The following AKAP12 variants were observed in gnomAD, a reference collection of about 807,000 sequenced individuals.
AKAP12 encodes the protein A-kinase anchor protein 12.
AKAP12 carries 32 observed loss-of-function variants against 79.9 expected under a neutral mutation model. That is an observed-to-expected ratio of 0.40 (90% CI 0.30 to 0.54). The LOEUF is 0.54. Ranked by LOEUF, AKAP12 falls within the 20% of genes least tolerant of loss-of-function variation. The pLI, the probability that AKAP12 is intolerant of heterozygous loss-of-function variation, is 0.48. For missense variants in AKAP12, 2,074 were observed against 2,177.0 expected (o/e 0.95, Z 0.94); for synonymous variants, 808 against 857.0 (o/e 0.94, Z 1.00).
intron 2 of AKAP12, among the ~76,000 whole-genome samples, chr6:151,292,454 A>T (rs372285013): frequency 2.0e-5 from 3 of 152,172 alleles, no homozygotes; most frequent in South Asian, 2.1e-4. Flanking sequence ...TCTTAGACGA[A>T]TTGGTTCCAG....
At chr6:151,259,470 GTATA>G (rs549086594) in intron 2 of AKAP12, among the ~76,000 whole-genome samples, 3 of 93,300 alleles carry the variant, frequency 3.2e-5, no homozygotes, top group Admixed American at 2.8e-4. Flanking sequence ...ATATATACAT[GTATA>G]TATATATATA....
At chr6:151,243,101 A>G (rs1797009486) in intron 2 of AKAP12, among the ~76,000 whole-genome samples, 1 of 152,184 alleles carries the variant, frequency 6.6e-6, no homozygotes, top group African/African-American at 2.4e-5. Context: ...GTTTCTCTAG[A>G]TATAGAGTGA....
intron 3 of AKAP12, chr6:151,319,560 A>G (rs1562736709): frequency 1.1e-5 from 1 of 88,346 alleles, no homozygotes; most frequent in Non-Finnish European, 2.3e-5. Flanking sequence ...ATATATATCT[A>G]TATAGAGATA....
At chr6:151,271,295 A>AC (rs1435721893) in intron 2 of AKAP12, among the ~76,000 whole-genome samples, 1 of 149,816 alleles carries the variant, frequency 6.7e-6, no homozygotes, top group Non-Finnish European at 1.5e-5. Context: ...TCTTCTGCTT[A>AC]CCCCCAGTGC....
At chr6:151,268,892 C>T (rs548667245) in intron 2 of AKAP12, among the ~76,000 whole-genome samples, 240 of 150,436 alleles carry the variant, frequency 1.6e-3, no homozygotes, top group African/African-American at 5.6e-3. Flanking sequence ...GATCCACCCG[C>T]CTTGGCTTCC....
intron 2 of AKAP12, among the ~76,000 whole-genome samples, chr6:151,243,062 A>T (rs1015203622): frequency 2.6e-5 from 4 of 152,228 alleles, no homozygotes; most frequent in Non-Finnish European, 5.9e-5. Flanking sequence ...GTTTGACCAA[A>T]AACTTCAGAT....
chr6:151,350,870 C>A lies in AKAP12; in HGVS notation c.2479C>A (p.Pro827Thr), dbSNP rs762527831. 1.9e-6 allele frequency: 3 copies of A among 1,614,048 alleles called. No individual in the cohort carries two copies. The highest frequency in any genetic ancestry group is 1.1e-5 in the South Asian group (1 of 91,078). Reference protein sequence around the residue: ...KRPDGKQEQAPVEDAGPTGAN... With the variant: ...KRPDGKQEQATVEDAGPTGAN... ...GCCAGATGGGAAACAAGAACAAGCCCCTGTTGAAGACGCAGGGCCAACAGG... is the reference window on the plus strand; with the variant it reads ...GCCAGATGGGAAACAAGAACAAGCCACTGTTGAAGACGCAGGGCCAACAGG... Residue 827 changes from proline (P) to threonine (T), a missense_variant, in exon 4 of 5, where the codon CCT becomes ACT. By Grantham distance (38) the Pro-to-Thr change is conservative. Around this residue, in one of 3 missense-constraint regions of AKAP12, gnomAD observed 1,428 missense variants for 1,451.0 expected, o/e 0.98. Transcript: ENST00000402676. This position sits in a 1 kb window ranked among gnomAD's most constrained non-coding sequence, Gnocchi z 4.8.
chr6:151,273,326 T>G (rs1338143437), intron 2 of AKAP12, among the ~76,000 whole-genome samples: 1 of 152,252 alleles, frequency 6.6e-6, no homozygotes, highest in Non-Finnish European at 1.5e-5. Flanking sequence ...TCCCTCCTGT[T>G]ATTGCTGATA....
rs1488172370 is a variant in AKAP12 at position 151,353,722 on chromosome 6, A to G, written c.5331A>G (p.Ser1777=). 1 of 1,590,120 alleles carries G rather than the reference A, an allele frequency of 6.3e-7. No homozygotes were observed. Among genetic ancestry groups the G allele is most frequent in the Non-Finnish European group, 8.5e-7 (1 of 1,170,098 alleles). Residue 1777 remains serine (S), a synonymous_variant, in exon 4 of 5, where the codon TCA becomes TCG. Transcript: ENST00000402676. ...AACAAGAGAGAGAATCTGCAAAGTC[A>G]GAACTTACAGAATCTTAAAACATCA... The part of the protein sequence containing the change: ...LQKQERESAK[S]ELTES
intron 3 of AKAP12, chr6:151,324,213 G>C: frequency 1.0e-6 from 1 of 985,430 alleles, no homozygotes; most frequent in South Asian, 4.7e-5. Context: ...CTGGGTCTGG[G>C]AGTCAGCTTC....
At chr6:151,241,664 T>G (rs976612388) in intron 2 of AKAP12, among the ~76,000 whole-genome samples, 3 of 152,148 alleles carry the variant, frequency 2.0e-5, no homozygotes, top group Non-Finnish European at 4.4e-5. Context: ...TTAGCAAGGC[T>G]TCACTCTACT....
At position 151,350,531 on chromosome 6, in the gene AKAP12, G is replaced by A; in HGVS notation, c.2140G>A (p.Ala714Thr). 6.2e-7 allele frequency: 1 copy of A among 1,614,152 alleles called. No individual in the cohort carries two copies. Among genetic ancestry groups the A allele is most frequent in the South Asian group, 1.1e-5 (1 of 91,072 alleles). The part of the protein sequence containing the change: ...PKAMGGDHQK[A>T]DEAGKDKETG... ...AGCAATGGGAGGAGACCACCAGAAA[G>A]CTGATGAGGCCGGAAAAGACAAAGA... Residue 714 changes from alanine (A) to threonine (T), a missense_variant, in exon 4 of 5, where the codon GCT becomes ACT. Ala to Thr is a moderately conservative substitution (Grantham distance 58, BLOSUM62 0). Around this residue, in one of 3 missense-constraint regions of AKAP12, gnomAD observed 1,428 missense variants for 1,451.0 expected, o/e 0.98. Transcript: ENST00000402676. This position sits in a 1 kb window ranked among gnomAD's most constrained non-coding sequence, Gnocchi z 4.8.
intron 3 of AKAP12, among the ~76,000 whole-genome samples, chr6:151,345,876 G>A: frequency 6.7e-6 from 1 of 148,922 alleles, no homozygotes; most frequent in East Asian, 2.0e-4. Context: ...GAGATCATAT[G>A]TGAAGGATGT....
Position 151,349,743 on chromosome 6 carries a change from A to T in AKAP12, c.1352A>T (p.Asp451Val). 1 of 1,614,124 alleles carries T rather than the reference A, an allele frequency of 6.2e-7. No individual in the cohort carries two copies. Among genetic ancestry groups the T allele is most frequent in the Non-Finnish European group, 8.5e-7 (1 of 1,180,030 alleles). The change falls in exon 4 of 5, where the codon GAT becomes GTT. Residue 451 changes from aspartate to valine, a missense_variant. Asp to Val is a radical substitution (Grantham distance 152, BLOSUM62 -3). Coordinates refer to ENST00000402676, the MANE Select transcript of AKAP12 (RefSeq NM_005100.4). Reference sequence around the variant, plus strand: ...CCAGCTGAAGAATTGGTTGAAATGGATGCAGAACCTCAGGAAGCTGAACCT... The same window carrying T: ...CCAGCTGAAGAATTGGTTGAAATGGTTGCAGAACCTCAGGAAGCTGAACCT... ...SVPAEELVEM[D>V]AEPQEAEPAK...
chr6:151,296,893 C>A (rs1185544317), intron 2 of AKAP12, among the ~76,000 whole-genome samples: 1 of 152,136 alleles, frequency 6.6e-6, no homozygotes, highest in Non-Finnish European at 1.5e-5. Context: ...CTAAACTTCT[C>A]ATAAATCTGG....
chr6:151,331,865 A>G (rs1292691089), intron 3 of AKAP12, among the ~76,000 whole-genome samples: 1 of 146,770 alleles, frequency 6.8e-6, no homozygotes, highest in Non-Finnish European at 1.5e-5. Context: ...AGCCTGGACG[A>G]CAGAGCGAGA....
chr6:151,321,096 C>T (rs1191510014), intron 3 of AKAP12, among the ~76,000 whole-genome samples: 2 of 152,046 alleles, frequency 1.3e-5, no homozygotes, highest in African/African-American at 4.8e-5. Flanking sequence ...AAGTGATTCT[C>T]ATGCCTCAGC....
chr6:151,350,963 G>A lies in AKAP12; in HGVS notation c.2572G>A (p.Glu858Lys), dbSNP rs1778268015. 8.1e-6 allele frequency: 13 copies of A among 1,614,038 alleles called. No homozygotes were observed. Among genetic ancestry groups the A allele is most frequent in the Non-Finnish European group, 1.1e-5 (13 of 1,180,014 alleles). ...PLSEYDAVER[E>K]KMEAQQAQKS... ...GTCTGAGTATGATGCTGTAGAAAGGGAGAAAATGGAGGCACAGCAAGCCCA... is the reference window on the plus strand; with the variant it reads ...GTCTGAGTATGATGCTGTAGAAAGGAAGAAAATGGAGGCACAGCAAGCCCA... Residue 858 changes from glutamate (E) to lysine (K), a missense_variant, in exon 4 of 5, where the codon GAG (glutamate) becomes AAG (lysine). Coordinates refer to ENST00000402676, the MANE Select transcript of AKAP12 (RefSeq NM_005100.4). The surrounding 1 kb of genome is among the most constrained non-coding windows in gnomAD (Gnocchi z 4.8).
chr6:151,293,325 A>G (rs1258838849), intron 2 of AKAP12, among the ~76,000 whole-genome samples: 1 of 152,336 alleles, frequency 6.6e-6, no homozygotes, highest in South Asian at 2.1e-4. Flanking sequence ...CCTACTATGA[A>G]TTTGCTGGTG....
Sources: gnomAD v4.1 joint callset for allele counts (sites outside exome capture counted in the v4.1 genomes callset) on GRCh38, gnomAD v4.1.1 for gene constraint, gnomAD v4.1.1 regional missense constraint, Gnocchi (gnomAD v3.1) non-coding constraint, MANE v1.5 for transcripts, NCBI Gene and HGNC (gene_info 2026-07-23, HGNC 2026-07-21) for gene names.